Variants in KATNAL2 observed in about 807,000 individuals in gnomAD.
KATNAL2 encodes katanin catalytic subunit A1 like 2.
In KATNAL2, 52 loss-of-function variants were observed where a neutral mutation model predicts 76.3. The observed-to-expected ratio is 0.68, with a 90% CI of 0.55 to 0.86. The LOEUF (loss-of-function observed/expected upper bound fraction) is 0.86, where lower values mean the gene tolerates loss of function less well. KATNAL2 is among the 40% of genes least tolerant of loss of function. The probability of loss-of-function intolerance (pLI) is 0.00; values close to 1 mark genes in which losing one functional copy is unlikely to be tolerated. For synonymous variants in KATNAL2, 243 were observed against 244.2 expected (o/e 1.00, Z 0.05); for missense variants, 660 against 668.9 (o/e 0.99, Z 0.15).
intron 1 of KATNAL2, among the ~76,000 whole-genome samples, chr18:46,942,673 G>C (rs914601098): frequency 6.6e-6 from 1 of 152,068 alleles, no homozygotes; most frequent in African/African-American, 2.4e-5. Context: ...TCTTCTATCT[G>C]TCTCCTCATT....
chr18:46,939,658 G>C (rs1313133775), intron 1 of KATNAL2, among the ~76,000 whole-genome samples: 1 of 152,172 alleles, frequency 6.6e-6, no homozygotes, highest in Non-Finnish European at 1.5e-5. Flanking sequence ...CACTGATTGA[G>C]AGAAAAGTCC....
intron 6 of KATNAL2, among the ~76,000 whole-genome samples, chr18:47,056,019 T>G (rs190528182): frequency 2.0e-4 from 31 of 152,348 alleles, no homozygotes; most frequent in Non-Finnish European, 3.8e-4. Context: ...AGACATGTCA[T>G]GAGACTGGCT....
intron 3 of KATNAL2, among the ~76,000 whole-genome samples, chr18:46,957,844 G>C (rs924834421): frequency 2.0e-5 from 3 of 152,098 alleles, no homozygotes; most frequent in Non-Finnish European, 4.4e-5. Context: ...ATACAGGCGT[G>C]AGCCACCGCG....
At chr18:46,941,094 C>T (rs537019019) in intron 1 of KATNAL2, among the ~76,000 whole-genome samples, 11 of 152,240 alleles carry the variant, frequency 7.2e-5, no homozygotes, top group African/African-American at 1.9e-4. Flanking sequence ...GATGCCAAAG[C>T]GGGTGGATTA....
chr18:46,934,826 T>C (rs905120402), intron 1 of KATNAL2, among the ~76,000 whole-genome samples: 5 of 152,224 alleles, frequency 3.3e-5, no homozygotes, highest in Non-Finnish European at 5.9e-5. Context: ...AATTTTTGTA[T>C]AAGGTGTAAG....
chr18:47,034,836 G>A, intron 3 of KATNAL2: 8 of 1,612,170 alleles, frequency 5.0e-6, no homozygotes, highest in African/African-American at 2.7e-5. Flanking sequence ...GAGACCTCGG[G>A]TGAGGTCTCT....
At position 47,043,226 on chromosome 18, in the gene KATNAL2, C is replaced by CAAAAAAAAAAAAAAAAAAAAAAAAA. The variant is rs1195140135; in HGVS notation, c.52-3212_52-3211insAAAAAAAAAAAAAAAAAAAAAAAAA. ...CCGGCGACAGAGCGAGACTCCGTTT[C>CAAAAAAAAAAAAAAAAAAAAAAAAA]AAAAAAAAAAAAAAAAAAAGAGATC... On this transcript the variant is annotated intron_variant, in intron 3 of 17. Transcript: ENST00000683218. Among the ~76,000 whole-genome samples the CAAAAAAAAAAAAAAAAAAAAAAAAA allele has an allele frequency of 2.5e-3, 104 of 41,668 alleles. 25 individuals are homozygous for CAAAAAAAAAAAAAAAAAAAAAAAAA. Among genetic ancestry groups the CAAAAAAAAAAAAAAAAAAAAAAAAA allele is most frequent in the Middle Eastern group, 0.021 (2 of 96 alleles). 27.3% of individuals were successfully genotyped at this position (41,668 alleles called of 152,430 possible).
intron 3 of KATNAL2, among the ~76,000 whole-genome samples, chr18:47,042,167 A>G (rs796111421): frequency 6.6e-6 from 1 of 152,142 alleles, no homozygotes; most frequent in African/African-American, 2.4e-5. Context: ...TTTTTATGTC[A>G]TCTATTTTAT....
rs556250617 is a variant in KATNAL2 at position 47,041,506 on chromosome 18, C to T, written c.52-4951C>T. Among the ~76,000 whole-genome samples the T allele has an allele frequency of 2.6e-5, 4 of 152,262 alleles. 1 individual carries two copies. In the South Asian group the frequency reaches 6.2e-4, roughly 24 times the overall value. ...CACTTAGTGATATGCATCTAAATTT[C>T]CTTCATGTTCTTTCATGGCTTGATA... On this transcript the variant is annotated intron_variant, in intron 3 of 17. Transcript: ENST00000683218.
chr18:46,947,056 G>T (rs1230596944), intron 3 of KATNAL2, 133 bp downstream of exon 3: 1 of 700,586 alleles, frequency 1.4e-6, no homozygotes, highest in Non-Finnish European at 2.5e-6. Context: ...AGTGAGAGGC[G>T]CTCGGCCGAG....
In KATNAL2 at chr18:47,032,757, A is replaced by G. The variant is rs1396479350; in HGVS notation, c.52-13700A>G. ...TTTAAAAATTATCAGTGAACATCCA[A>G]AATAGAATTGTTCCCAATGCGTTCA... On this transcript the variant is annotated intron_variant, in intron 3 of 17. Transcript: ENST00000683218. 4.6e-6 allele frequency: 3 copies of G among 653,188 alleles called. No homozygotes were observed. In the African/African-American group the frequency reaches 5.5e-5, roughly 12 times the overall value. The allele number at this position is 653,188 out of a possible 1,614,324, so 40.5% of individuals were successfully genotyped here.
chr18:46,933,483 A>C (rs1299580506), intron 1 of KATNAL2, among the ~76,000 whole-genome samples: 1 of 152,118 alleles, frequency 6.6e-6, no homozygotes, highest in Non-Finnish European at 1.5e-5. Context: ...ACTTCCACAA[A>C]TTGCAGTCTG....
chr18:47,063,742 A>G (rs2061706053), intron 10 of KATNAL2, among the ~76,000 whole-genome samples: 2 of 152,170 alleles, frequency 1.3e-5, no homozygotes, highest in South Asian at 4.1e-4. Flanking sequence ...AGACGTCGGG[A>G]GTCTGATGAT....
intron 15 of KATNAL2, among the ~76,000 whole-genome samples, chr18:47,078,143 T>C (rs1029160963): frequency 2.0e-5 from 3 of 152,196 alleles, no homozygotes; most frequent in African/African-American, 7.2e-5. Flanking sequence ...AATGCTGTTC[T>C]TCCCATTCTC....
intron 3 of KATNAL2, among the ~76,000 whole-genome samples, chr18:46,961,613 T>C (rs2059957229): frequency 6.6e-6 from 1 of 152,218 alleles, no homozygotes; most frequent in Non-Finnish European, 1.5e-5. Context: ...GACATAGGAT[T>C]AAACCTCTGC....
At chr18:47,062,715 G>GT (rs751241250) in intron 8 of KATNAL2, among the ~76,000 whole-genome samples, 4 of 152,208 alleles carry the variant, frequency 2.6e-5, no homozygotes, top group African/African-American at 7.2e-5. Context: ...GATGGTCTGT[G>GT]TCAGGAACTG....
Position 47,097,801 on chromosome 18 carries a change from G to A in KATNAL2, c.1212-1442G>A, listed in dbSNP as rs73954230. Among the ~76,000 whole-genome samples, 839 of 152,206 alleles carry A rather than the reference G, an allele frequency of 5.5e-3. 9 individuals carry two copies. The highest frequency in any genetic ancestry group is 0.019 in the African/African-American group (804 of 41,538). ...TGTATAGGTGAACTTGTGTCATGGG[G>A]GTTTGCTGTACAGATTATTTCATCA... On this transcript the variant is annotated intron_variant, in intron 15 of 17. Coordinates refer to ENST00000683218, the MANE Select transcript of KATNAL2 (RefSeq NM_001387690.1).
In KATNAL2 at chr18:46,923,018, CT is replaced by C. The variant is rs1250220143; in HGVS notation, c.-510+5103del. ...GAAAAATTCTTATCAACATACAGAACTTTTTTTTTTTAGACCTTTAGTAAGA... is the reference window on the plus strand; with the variant it reads ...GAAAAATTCTTATCAACATACAGAACTTTTTTTTTTAGACCTTTAGTAAGA... On this transcript the variant is annotated intron_variant, in intron 1 of 17. Coordinates refer to ENST00000683218, the MANE Select transcript of KATNAL2 (RefSeq NM_001387690.1). Among the ~76,000 whole-genome samples the C allele has an allele frequency of 3.2e-3, 440 of 137,866 alleles. 1 individual carries two copies. The highest frequency in any genetic ancestry group is 5.2e-3 in the Non-Finnish European group (331 of 63,526). The allele number at this position is 137,866 out of a possible 152,430, so 90.4% of individuals were successfully genotyped here. A position where few individuals can be genotyped will look rare whatever the true frequency, so the allele number is the denominator to read the frequency against.
intron 3 of KATNAL2, chr18:47,034,026 T>C: frequency 1.2e-6 from 2 of 1,614,202 alleles, no homozygotes; most frequent in Non-Finnish European, 1.7e-6. Flanking sequence ...ATTCGTTTGC[T>C]TTCCTTTGTT....
Sources: gnomAD v4.1 joint callset for allele counts (sites outside exome capture counted in the v4.1 genomes callset) on GRCh38, gnomAD v4.1.1 for gene constraint, MANE v1.5 for transcripts, NCBI Gene and HGNC (gene_info 2026-07-23, HGNC 2026-07-21) for gene names.